MAGI2: variants seen among roughly 807,000 people sequenced by gnomAD.
MAGI2 encodes the protein membrane associated guanylate kinase, WW and PDZ domain containing 2, also known as membrane-associated guanylate kinase, WW and PDZ domain-containing protein 2.
A neutral mutation model predicts 133.3 loss-of-function variants in MAGI2; 35 were observed. The ratio of observed to expected loss-of-function variants is 0.26; its 90% CI spans 0.20 to 0.35. The LOEUF is 0.35. MAGI2 is among the 10% of genes least tolerant of loss of function. The pLI, the probability that MAGI2 is intolerant of heterozygous loss-of-function variation, is 1.00. For missense variants in MAGI2, 1,636 were observed against 1,863.4 expected (o/e 0.88, Z 2.25); for synonymous variants, 729 against 710.6 (o/e 1.03, Z -0.41).
intron 9 of MAGI2, among the ~76,000 whole-genome samples, chr7:78,324,179 C>T (rs1382857665): frequency 6.0e-5 from 9 of 149,490 alleles, no homozygotes; most frequent in African/African-American, 2.2e-4. Context: ...ACACACTACA[C>T]TACACTACAC....
intron 2 of MAGI2, among the ~76,000 whole-genome samples, chr7:78,662,658 T>C (rs1813100594): frequency 6.6e-6 from 1 of 152,178 alleles, no homozygotes; most frequent in African/African-American, 2.4e-5. Flanking sequence ...CTGTAAAATA[T>C]ATAGGCAAAG....
intron 1 of MAGI2, among the ~76,000 whole-genome samples, chr7:79,406,027 T>C (rs1845783886): frequency 6.6e-6 from 1 of 151,814 alleles, no homozygotes; most frequent in Non-Finnish European, 1.5e-5. Context: ...TCCTCAGTCT[T>C]ATGCATTTGA....
At chr7:79,355,410 T>G (rs1349712511) in intron 1 of MAGI2, among the ~76,000 whole-genome samples, 3 of 152,084 alleles carry the variant, frequency 2.0e-5, no homozygotes, top group Non-Finnish European at 2.9e-5. Flanking sequence ...ATCACTAAGG[T>G]GTTAGAACTT....
intron 1 of MAGI2, among the ~76,000 whole-genome samples, chr7:79,163,252 G>A (rs540088289): frequency 7.9e-5 from 12 of 152,076 alleles, no homozygotes; most frequent in South Asian, 6.2e-4. Context: ...CTCAGATCAC[G>A]ATAACCTCTG....
chr7:78,278,588 C>T (rs994384566), intron 9 of MAGI2, among the ~76,000 whole-genome samples: 8 of 152,202 alleles, frequency 5.3e-5, no homozygotes, highest in East Asian at 1.9e-4. Context: ...ACCCTAATCT[C>T]GATGTTGCTT....
At chr7:78,709,786 G>A (rs980673405) in intron 2 of MAGI2, among the ~76,000 whole-genome samples, 1 of 152,036 alleles carries the variant, frequency 6.6e-6, no homozygotes, top group African/African-American at 2.4e-5. Context: ...TCTATGCTTG[G>A]CTCCTGGCAT....
At chr7:79,328,481 AT>A (rs1470962859) in intron 1 of MAGI2, among the ~76,000 whole-genome samples, 1 of 152,188 alleles carries the variant, frequency 6.6e-6, no homozygotes, top group African/African-American at 2.4e-5. Context: ...GGAAAGAAGA[AT>A]TTTGGTGAAG....
chr7:78,524,111 A>G (rs1288385575), intron 3 of MAGI2, among the ~76,000 whole-genome samples: 2 of 151,820 alleles, frequency 1.3e-5, no homozygotes, highest in African/African-American at 2.4e-5. Context: ...ACGTGAGAGC[A>G]CCTGGGCTGC....
intron 3 of MAGI2, among the ~76,000 whole-genome samples, chr7:78,601,960 C>A (rs897593641): frequency 1.3e-5 from 2 of 152,116 alleles, no homozygotes; most frequent in Non-Finnish European, 2.9e-5. Flanking sequence ...TTAGCTGAGT[C>A]TATTAGGTTT....
intron 2 of MAGI2, among the ~76,000 whole-genome samples, chr7:78,820,478 A>G (rs2151425332): frequency 6.6e-6 from 1 of 152,044 alleles, no homozygotes; most frequent in Admixed American, 6.5e-5. Context: ...AAATGAAGTT[A>G]TGAAAGTCTC....
intron 1 of MAGI2, among the ~76,000 whole-genome samples, chr7:79,276,494 A>G (rs765948877): frequency 5.9e-5 from 9 of 152,312 alleles, no homozygotes; most frequent in Middle Eastern, 3.4e-3. Context: ...TTAGCAATAA[A>G]TATTTTAAAT....
At chr7:78,222,035 G>A (rs1218389501) in intron 10 of MAGI2, among the ~76,000 whole-genome samples, 4 of 152,010 alleles carry the variant, frequency 2.6e-5, no homozygotes, top group Non-Finnish European at 5.9e-5. Flanking sequence ...GGGCGACAGA[G>A]CAAGATCTTG....
chr7:79,153,575 T>C (rs1046116042), intron 1 of MAGI2, among the ~76,000 whole-genome samples: 4 of 152,006 alleles, frequency 2.6e-5, no homozygotes, highest in Non-Finnish European at 5.9e-5. Context: ...GAAAATGAAG[T>C]AAAAATGCAT....
intron 6 of MAGI2, among the ~76,000 whole-genome samples, chr7:78,479,817 C>T (rs1444106609): frequency 6.6e-6 from 1 of 151,698 alleles, no homozygotes; most frequent in Non-Finnish European, 1.5e-5. Context: ...ATTTATCTGA[C>T]AAGGATTTTA....
intron 2 of MAGI2, among the ~76,000 whole-genome samples, chr7:78,867,403 AATT>A: frequency 1.3e-5 from 2 of 151,328 alleles, no homozygotes; most frequent in South Asian, 4.2e-4. Flanking sequence ...ACATGGATGA[AATT>A]GGAAATCATC....
chr7:78,675,275 T>TTGTTGA (rs1554522951), intron 2 of MAGI2, among the ~76,000 whole-genome samples: 1 of 149,710 alleles, frequency 6.7e-6, no homozygotes. Flanking sequence ...GTTGTTGTTG[T>TTGTTGA]TGATGTATTG....
At chr7:78,227,432 A>G (rs1228205098) in intron 10 of MAGI2, among the ~76,000 whole-genome samples, 1 of 152,168 alleles carries the variant, frequency 6.6e-6, no homozygotes, top group Non-Finnish European at 1.5e-5. Flanking sequence ...AACTTCTCTA[A>G]CTGGACCTAG....
intron 1 of MAGI2, among the ~76,000 whole-genome samples, chr7:79,247,314 A>G (rs578095596): frequency 1.9e-4 from 29 of 152,228 alleles, no homozygotes; most frequent in Middle Eastern, 3.4e-3. Context: ...TAAAAGATAA[A>G]CTGATAAAAA....
chr7:78,202,598 G>T (rs534345697), intron 10 of MAGI2, among the ~76,000 whole-genome samples: 2 of 147,862 alleles, frequency 1.4e-5, no homozygotes, highest in Non-Finnish European at 3.0e-5. Context: ...CAGGAGAATC[G>T]CTGGAACTCG....
Sources: allele counts gnomAD v4.1 joint callset (sites outside exome capture counted in the v4.1 genomes callset), GRCh38; gene constraint gnomAD v4.1.1; transcripts MANE v1.5; gene names NCBI Gene and HGNC (gene_info 2026-07-23, HGNC 2026-07-21).